Variants in STIM2 observed in about 807,000 individuals in gnomAD.
STIM2 encodes stromal interaction molecule 2.
A neutral mutation model predicts 85.8 loss-of-function variants in STIM2; 31 were observed. The ratio of observed to expected loss-of-function variants is 0.36; its 90% CI spans 0.27 to 0.49. The LOEUF (loss-of-function observed/expected upper bound fraction) is 0.49, where lower values mean the gene tolerates loss of function less well. Among genes scored for constraint, STIM2 ranks in the 20% least tolerant of loss-of-function variants. The pLI is 0.98. For synonymous variants in STIM2, 356 were observed against 331.1 expected, an observed-to-expected ratio of 1.08 and a Z score of -0.82; for missense variants, 841 against 927.6, an observed-to-expected ratio of 0.91 and a Z score of 1.21.
At chr4:26,956,187 C>G (rs150911907) in intron 2 of STIM2, among the ~76,000 whole-genome samples, 1 of 151,360 alleles carries the variant, frequency 6.6e-6, no homozygotes, top group Non-Finnish European at 1.5e-5. Flanking sequence ...TATAAAATAA[C>G]GAGACAAGAA....
At chr4:26,905,739 ATATT>A (rs1289644392) in intron 1 of STIM2, among the ~76,000 whole-genome samples, 1 of 152,206 alleles carries the variant, frequency 6.6e-6, no homozygotes, top group Non-Finnish European at 1.5e-5. Context: ...TATTCAGTAA[ATATT>A]TACTGAGTGC....
intron 1 of STIM2, among the ~76,000 whole-genome samples, chr4:26,864,453 A>G (rs529180142): frequency 6.6e-6 from 1 of 152,164 alleles, no homozygotes; most frequent in South Asian, 2.1e-4. Flanking sequence ...TCTCATCCAG[A>G]TAGGGTCCCT....
rs534390226 is a variant in STIM2 at position 26,962,788 on chromosome 4, C to G, written c.397+5062C>G. Among the ~76,000 whole-genome samples, 5 of 152,196 alleles carry G rather than the reference C, an allele frequency of 3.3e-5. No individual in the cohort carries two copies. The South Asian group carries it at 1.0e-3, about 32-fold the overall frequency. On this transcript the variant is annotated intron_variant, in intron 3 of 11. Coordinates refer to ENST00000467087, the MANE Select transcript of STIM2 (RefSeq NM_020860.4). ...CAGATACCTAATGCAGGAAATTGTA[C>G]ATAGAAAATATTTGTTATATACAAG... is the stretch of plus-strand genomic sequence containing the variant.
chr4:26,873,926 G>C, intron 1 of STIM2: 1 of 1,355,892 alleles, frequency 7.4e-7, no homozygotes, highest in Middle Eastern at 2.3e-4. Flanking sequence ...GGCGCCTCCA[G>C]ACAGCTGGGT....
intron 11 of STIM2, chr4:27,021,112 C>G: frequency 7.0e-7 from 1 of 1,436,908 alleles, no homozygotes. Context: ...TCACTCTGTT[C>G]ATTCATTCAT....
rs562716220 is a variant in STIM2, at chr4:26,998,726, C to G, written c.510-506C>G. Among the ~76,000 whole-genome samples, 5 of 152,058 alleles carry G rather than the reference C, an allele frequency of 3.3e-5. No homozygotes were observed. The East Asian group carries it at 7.8e-4, about 24-fold the overall frequency. On this transcript the variant is annotated intron_variant, in intron 4 of 11. Transcript: ENST00000467087. ...AGGAGATCGAGACCATCCTGGCCAA[C>G]ATGGTGAAACCCCATCTCTACTAAA...
intron 1 of STIM2, among the ~76,000 whole-genome samples, chr4:26,880,206 CTCTT>C (rs1482553878): frequency 6.6e-6 from 1 of 151,960 alleles, no homozygotes; most frequent in Admixed American, 6.6e-5. Context: ...GTATGTGAAA[CTCTT>C]TCTCTGTTTC....
At chr4:26,921,532 T>C (rs1203070461) in intron 2 of STIM2, among the ~76,000 whole-genome samples, 1 of 152,218 alleles carries the variant, frequency 6.6e-6, no homozygotes, top group African/African-American at 2.4e-5. Flanking sequence ...GCATGGCTGT[T>C]TTCCAATAAA....
intron 1 of STIM2, among the ~76,000 whole-genome samples, chr4:26,914,256 C>T (rs986679763): frequency 2.0e-5 from 3 of 152,126 alleles, no homozygotes; most frequent in Non-Finnish European, 4.4e-5. Flanking sequence ...AAATGTGTAA[C>T]ACTTAATTTT....
intron 2 of STIM2, among the ~76,000 whole-genome samples, chr4:26,949,002 C>T (rs1725948689): frequency 6.6e-6 from 1 of 152,150 alleles, no homozygotes; most frequent in African/African-American, 2.4e-5. Flanking sequence ...TGACACAGTA[C>T]ATACAGTGTA....
At chr4:27,001,225 C>G (rs1452575518) in intron 5 of STIM2, among the ~76,000 whole-genome samples, 1 of 152,164 alleles carries the variant, frequency 6.6e-6, no homozygotes, top group Non-Finnish European at 1.5e-5. Context: ...AGCTGTATCT[C>G]TTTGGAGCAT....
intron 4 of STIM2, among the ~76,000 whole-genome samples, chr4:26,997,232 A>G (rs16878676): frequency 0.019 from 2,953 of 152,278 alleles, 102 homozygotes; most frequent in African/African-American, 0.068. Flanking sequence ...AGAACTAGTT[A>G]CAAGAATGTA....
At position 26,861,132 on chromosome 4, in the gene STIM2, C is replaced by T. The variant is rs114264770; in HGVS notation, c.-87C>T. 0.21 allele frequency: 266,200 copies of T among 1,252,904 alleles called. 28,955 individuals are homozygous for T. Among genetic ancestry groups the T allele is most frequent in the Admixed American group, 0.24 (6,017 of 25,162 alleles). 77.6% of individuals were successfully genotyped at this position (1,252,904 alleles called of 1,614,324 possible). A position where few individuals can be genotyped will look rare whatever the true frequency, so the allele number is the denominator to read the frequency against. Reference sequence around the variant, plus strand: ...GGCGGCCGGGGCGCCGCTGCGCTTTCACCCGGCTTCTCCTCGGCGCCTTCA... The same window carrying T: ...GGCGGCCGGGGCGCCGCTGCGCTTTTACCCGGCTTCTCCTCGGCGCCTTCA... On this transcript the variant is annotated 5_prime_UTR_variant, in exon 1 of 12. Transcript: ENST00000467087.
intron 2 of STIM2, among the ~76,000 whole-genome samples, chr4:26,933,849 T>C (rs1725299853): frequency 6.6e-6 from 1 of 151,434 alleles, no homozygotes; most frequent in Non-Finnish European, 1.5e-5. Context: ...ATATATAACA[T>C]ATATAAACAC....
intron 3 of STIM2, among the ~76,000 whole-genome samples, chr4:26,981,234 C>T (rs79899925): frequency 5.4e-4 from 82 of 152,262 alleles, no homozygotes; most frequent in African/African-American, 1.9e-3. Context: ...GTACCCACCC[C>T]CCACCTTAGA....
intron 10 of STIM2, among the ~76,000 whole-genome samples, chr4:27,010,949 T>G (rs1355424519): frequency 6.6e-6 from 1 of 152,206 alleles, no homozygotes; most frequent in Non-Finnish European, 1.5e-5. Context: ...GGTGAGAATG[T>G]GATAACAATT....
At chr4:27,015,439 A>AT (rs1431997822) in intron 10 of STIM2, among the ~76,000 whole-genome samples, 6 of 150,718 alleles carry the variant, frequency 4.0e-5, no homozygotes, top group South Asian at 2.1e-4. Context: ...CTTGTTATTC[A>AT]TTTCTTTTTT....
At chr4:26,939,043 G>A (rs557096691) in intron 2 of STIM2, among the ~76,000 whole-genome samples, 1 of 152,122 alleles carries the variant, frequency 6.6e-6, no homozygotes, top group Admixed American at 6.6e-5. Context: ...GTTAATATTG[G>A]AAACTTCTGG....
chr4:26,880,269 C>G (rs1722955799), intron 1 of STIM2, among the ~76,000 whole-genome samples: 1 of 152,080 alleles, frequency 6.6e-6, no homozygotes, highest in Non-Finnish European at 1.5e-5. Context: ...TCCTTCTCAT[C>G]TTTTTGCATG....
Sources: allele counts gnomAD v4.1 joint callset (sites outside exome capture counted in the v4.1 genomes callset), GRCh38; gene constraint gnomAD v4.1.1; transcripts MANE v1.5; gene names NCBI Gene and HGNC (gene_info 2026-07-23, HGNC 2026-07-21).